PEX5L: variants seen among roughly 807,000 people sequenced by gnomAD.
PEX5L encodes PEX5-related protein.
PEX5L carries 30 observed loss-of-function variants against 84.0 expected under a neutral mutation model. The ratio of observed to expected loss-of-function variants is 0.36; its 90% CI spans 0.27 to 0.48. The LOEUF (loss-of-function observed/expected upper bound fraction) is 0.48. PEX5L is among the 20% of genes least tolerant of loss of function. The probability of loss-of-function intolerance (pLI) is 0.99; values close to 1 mark genes in which losing one functional copy is unlikely to be tolerated. For missense variants in PEX5L, 533 were observed against 754.6 expected (o/e 0.71, Z 3.44); for synonymous variants, 270 against 283.1 (o/e 0.95, Z 0.46).
At chr3:180,005,910 T>A (rs1788846394) in intron 1 of PEX5L, among the ~76,000 whole-genome samples, 1 of 152,230 alleles carries the variant, frequency 6.6e-6, no homozygotes. Context: ...TTCTTTCTTA[T>A]CTTTTCAAAA....
At chr3:179,966,843 A>T (rs764435023) in intron 2 of PEX5L, among the ~76,000 whole-genome samples, 4 of 152,214 alleles carry the variant, frequency 2.6e-5, no homozygotes, top group Non-Finnish European at 5.9e-5. Flanking sequence ...AGACTCTCAA[A>T]AAGGCTGTAA....
rs72119192 is a variant in PEX5L at position 179,868,043 on chromosome 3, T to TA, written c.726+6283_726+6284insT. On this transcript the variant is annotated intron_variant, in intron 7 of 14. Transcript: ENST00000467460. ...TATGTATTTATTCTTCTTCTTCTTC[T>TA]TTTTTTTTTTTTTTTTTTTTAGAGA... is the stretch of plus-strand genomic sequence containing the variant. Among the ~76,000 whole-genome samples the TA allele has an allele frequency of 4.4e-4, 30 of 67,880 alleles. 1 individual carries two copies. The highest frequency in any genetic ancestry group is 1.0e-3 in the Non-Finnish European group (27 of 26,268). The allele number at this position is 67,880 out of a possible 152,430, so 44.5% of individuals were successfully genotyped here. A position where few individuals can be genotyped will look rare whatever the true frequency, so the allele number is the denominator to read the frequency against.
intron 1 of PEX5L, among the ~76,000 whole-genome samples, chr3:180,006,339 A>G (rs1430864955): frequency 8.7e-6 from 1 of 114,886 alleles, no homozygotes; most frequent in Non-Finnish European, 1.9e-5. Context: ...TGAAGTAGTG[A>G]AAAAAAAAGT....
intron 5 of PEX5L, 39 bp from the exon 6 acceptor site, chr3:179,875,516 CA>C: frequency 6.4e-7 from 1 of 1,554,874 alleles, no homozygotes; most frequent in East Asian, 2.3e-5. Context: ...CAGGTGGCGG[CA>C]GGGCGGGGTA....
Position 179,882,967 on chromosome 3 carries a change from C to A in PEX5L, c.311-2844G>T, listed in dbSNP as rs141419877. Among the ~76,000 whole-genome samples the A allele has an allele frequency of 4.8e-3, 727 of 152,190 alleles. 10 individuals carry two copies. Among genetic ancestry groups the A allele is most frequent in the East Asian group, 0.03 (153 of 5,158 alleles). The stretch of plus-strand genomic sequence containing the variant: ...AAAAAAAATTAGCCAGGAGTGATGG[C>A]TATCACCTGTAGTCTCAGCTACTCG... On this transcript the variant is annotated intron_variant, in intron 4 of 14. Transcript: ENST00000467460.
chr3:179,817,168 A>G (rs1019280088), intron 9 of PEX5L, among the ~76,000 whole-genome samples: 2 of 152,178 alleles, frequency 1.3e-5, no homozygotes, highest in Non-Finnish European at 2.9e-5. Context: ...TGGGGGCTAT[A>G]TTGCCCCTGT....
intron 2 of PEX5L, among the ~76,000 whole-genome samples, chr3:179,914,424 G>A (rs1388378049): frequency 6.6e-6 from 1 of 152,022 alleles, no homozygotes; most frequent in Non-Finnish European, 1.5e-5. Context: ...TCTTTACTTG[G>A]TGAATTCCAT....
chr3:179,798,110 C>T lies in PEX5L; in HGVS notation c.*3718G>A, dbSNP rs1717755396. On this transcript the variant is annotated 3_prime_UTR_variant, in exon 15 of 15. Transcript: ENST00000467460. ...AATATACAAGAAATATTTATCTATACAAGTATTTAGACATGGGTCCCACGT... is the reference window on the plus strand; with the variant it reads ...AATATACAAGAAATATTTATCTATATAAGTATTTAGACATGGGTCCCACGT... 6.6e-6 allele frequency: 1 copy of T among 152,124 alleles called. No individual in the cohort carries two copies. Among genetic ancestry groups the T allele is most frequent in the Non-Finnish European group, 1.5e-5 (1 of 68,026 alleles). 9.4% of individuals were successfully genotyped at this position (152,124 alleles called of 1,614,324 possible). A position where few individuals can be genotyped will look rare whatever the true frequency, so the allele number is the denominator to read the frequency against.
intron 2 of PEX5L, among the ~76,000 whole-genome samples, chr3:179,961,039 T>C (rs1781864274): frequency 6.6e-6 from 1 of 152,014 alleles, no homozygotes; most frequent in Non-Finnish European, 1.5e-5. Flanking sequence ...ATGTTTTTTC[T>C]ATTCAGAACA....
chr3:179,930,256 G>C (rs190770920), intron 2 of PEX5L, among the ~76,000 whole-genome samples: 32 of 151,566 alleles, frequency 2.1e-4, no homozygotes, highest in African/African-American at 7.6e-4. Flanking sequence ...GTTATCAACT[G>C]CTTTGTATAC....
intron 1 of PEX5L, among the ~76,000 whole-genome samples, chr3:179,988,852 G>T (rs146728464): frequency 6.6e-6 from 1 of 152,322 alleles, no homozygotes; most frequent in African/African-American, 2.4e-5. Flanking sequence ...GAATGGAATT[G>T]CCAGGTTTTG....
chr3:179,941,598 G>A, intron 2 of PEX5L, among the ~76,000 whole-genome samples: 1 of 152,136 alleles, frequency 6.6e-6, no homozygotes, highest in East Asian at 1.9e-4. Context: ...GAATTTGAAC[G>A]CCAGTCTGTG....
chr3:179,920,214 G>A (rs1398195406), intron 2 of PEX5L, among the ~76,000 whole-genome samples: 1 of 152,186 alleles, frequency 6.6e-6, no homozygotes, highest in Non-Finnish European at 1.5e-5. Context: ...CATTATGTCT[G>A]TCTGTCATCT....
At chr3:179,841,894 C>A (rs1177605842) in intron 8 of PEX5L, among the ~76,000 whole-genome samples, 1 of 152,166 alleles carries the variant, frequency 6.6e-6, no homozygotes, top group Non-Finnish European at 1.5e-5. Context: ...AGAAATGTAT[C>A]AATTTCACCA....
At chr3:179,961,952 TG>T (rs1782153169) in intron 2 of PEX5L, among the ~76,000 whole-genome samples, 1 of 59,996 alleles carries the variant, frequency 1.7e-5, no homozygotes, top group Non-Finnish European at 3.7e-5. Flanking sequence ...CCCTGAGAGA[TG>T]AGCTGTAGAA....
At position 179,918,278 on chromosome 3, in the gene PEX5L, T is replaced by C. The variant is rs1034688636; in HGVS notation, c.94-20032A>G. On this transcript the variant is annotated intron_variant, in intron 2 of 14. Coordinates refer to ENST00000467460, the MANE Select transcript of PEX5L (RefSeq NM_016559.3). The stretch of plus-strand genomic sequence containing the variant: ...ACTTCACAATTTCCACTGTCATCTA[T>C]CTTCTCCTTGAGCAAAAGCATACGG... Among the ~76,000 whole-genome samples, 3 of 152,206 alleles carry C rather than the reference T, an allele frequency of 2.0e-5. No homozygotes were observed. In the East Asian group the frequency reaches 5.8e-4, roughly 29 times the overall value.
intron 1 of PEX5L, among the ~76,000 whole-genome samples, chr3:179,985,645 C>T (rs1034081030): frequency 2.0e-5 from 3 of 152,064 alleles, no homozygotes; most frequent in Admixed American, 6.5e-5. Flanking sequence ...CAAAGCCAGT[C>T]CACCTTAGCT....
intron 2 of PEX5L, among the ~76,000 whole-genome samples, chr3:179,939,071 C>T (rs908104791): frequency 6.6e-6 from 1 of 152,248 alleles, no homozygotes; most frequent in African/African-American, 2.4e-5. Context: ...CTCTGCCTCA[C>T]AAATTTATGC....
At chr3:179,923,795 A>G (rs1046190754) in intron 2 of PEX5L, among the ~76,000 whole-genome samples, 21 of 152,232 alleles carry the variant, frequency 1.4e-4, no homozygotes, top group Non-Finnish European at 2.9e-4. Flanking sequence ...AGATGAAGCA[A>G]TGCTTATAAA....
Sources: allele counts gnomAD v4.1 joint callset (sites outside exome capture counted in the v4.1 genomes callset), GRCh38; gene constraint gnomAD v4.1.1; transcripts MANE v1.5; gene names NCBI Gene and HGNC (gene_info 2026-07-23, HGNC 2026-07-21).